Variants in MTA2 observed in about 807,000 individuals in gnomAD.
The protein encoded by MTA2 is metastasis-associated protein MTA2.
MTA2 carries 22 observed loss-of-function variants against 87.1 expected under a neutral mutation model. The observed-to-expected ratio is 0.25, with a 90% CI of 0.18 to 0.36. The LOEUF (loss-of-function observed/expected upper bound fraction) is 0.36. MTA2 is among the 10% of genes least tolerant of loss of function. The pLI is 1.00. For synonymous variants in MTA2, 314 were observed against 310.1 expected, an observed-to-expected ratio of 1.01 and a Z score of -0.13; for missense variants, 542 against 853.2, an observed-to-expected ratio of 0.64 and a Z score of 4.54.
rs1942054883 is a variant in MTA2, at chr11:62,593,683, C to G, written c.*192G>C. 3.1e-6 allele frequency: 2 copies of G among 647,394 alleles called. No individual in the cohort carries two copies. Among genetic ancestry groups the G allele is most frequent in the Non-Finnish European group, 5.1e-6 (2 of 388,660 alleles). 40.1% of individuals were successfully genotyped at this position (647,394 alleles called of 1,614,324 possible). A position where few individuals can be genotyped will look rare whatever the true frequency, so the allele number is the denominator to read the frequency against. On this transcript the variant is annotated 3_prime_UTR_variant, in exon 18 of 18. Transcript: ENST00000278823. ...GTTCCTGCAGTCTGTCCTCCATCGG[C>G]AAGCATGGAGGCATGAGACAAGTCT...
chr11:62,600,589 G>A (rs921829487), intron 2 of MTA2, 33 bp downstream of exon 2: 15 of 1,589,896 alleles, frequency 9.4e-6, no homozygotes, highest in South Asian at 1.1e-5. Flanking sequence ...AGACCACTGC[G>A]GGAGGGAGGG....
intron 4 of MTA2, 49 bp from the exon 5 acceptor site, chr11:62,598,439 C>A: frequency 6.2e-7 from 1 of 1,607,870 alleles, no homozygotes; most frequent in Non-Finnish European, 8.5e-7. Context: ...TCTCCCTCCC[C>A]ACAGCATCTC....
intron 15 of MTA2, 79 bp downstream of exon 15, chr11:62,594,902 A>G (rs1044847282): frequency 7.5e-6 from 10 of 1,334,816 alleles, no homozygotes; most frequent in African/African-American, 2.9e-5. Flanking sequence ...TATGAGGAAG[A>G]AAAAAAGCAA....
intron 15 of MTA2, 50 bp downstream of exon 15, chr11:62,594,931 G>A (rs1030659432): frequency 1.3e-6 from 2 of 1,518,550 alleles, no homozygotes; most frequent in Non-Finnish European, 1.8e-6. Context: ...ATGTCAGACA[G>A]GGAAAGGACT....
In MTA2 at chr11:62,597,997, GCCGTACAGTC is replaced by G; in HGVS notation, c.490+17_490+26del. 6.3e-7 allele frequency: 1 copy of G among 1,576,522 alleles called. No individual in the cohort carries two copies. Among genetic ancestry groups the G allele is most frequent in the Non-Finnish European group, 8.7e-7 (1 of 1,145,940 alleles). ...CCCCTTGGAATTAGACAACCTGGTA[GCCGTACAGTC>G]TTGTCCTGTTGCTTACCCTCTACTA... On this transcript the variant is annotated intron_variant, in intron 6 of 17. Transcript: ENST00000278823.
In MTA2 at chr11:62,601,617, C is replaced by A; in HGVS notation, c.-167G>T. The A allele has an allele frequency of 1.4e-6, 1 of 730,730 alleles. No individual in the cohort carries two copies. Among genetic ancestry groups the A allele is most frequent in the Non-Finnish European group, 2.1e-6 (1 of 478,308 alleles). The allele number at this position is 730,730 out of a possible 1,614,324, so 45.3% of individuals were successfully genotyped here. On this transcript the variant is annotated 5_prime_UTR_variant, in exon 1 of 18. Coordinates refer to ENST00000278823, the MANE Select transcript of MTA2 (RefSeq NM_004739.4). ...CTGCCTCAGCCGTCGCGGTTCATCCCGGCCCGCGCTGTCGCCGCCGCAGCT... is the reference window on the plus strand; with the variant it reads ...CTGCCTCAGCCGTCGCGGTTCATCCAGGCCCGCGCTGTCGCCGCCGCAGCT...
At chr11:62,600,145 G>A in intron 3 of MTA2, 21 bp downstream of exon 3, 2 of 1,604,926 alleles carry the variant, frequency 1.2e-6, no homozygotes, top group Non-Finnish European at 1.7e-6. Context: ...AGGAGAAAAA[G>A]AAAGGGAGGA....
chr11:62,593,628 C>G lies in MTA2; in HGVS notation c.*247G>C. The stretch of plus-strand genomic sequence containing the variant: ...CAAGACATCTGTGGGTCCTACCCCC[C>G]AAAACAGGCTAGGTTCCCACATGGG... On this transcript the variant is annotated 3_prime_UTR_variant, in exon 18 of 18. Transcript: ENST00000278823. 2.1e-6 allele frequency: 1 copy of G among 480,164 alleles called. No homozygotes were observed. Among genetic ancestry groups the G allele is most frequent in the Non-Finnish European group, 3.7e-6 (1 of 269,304 alleles). 29.7% of individuals were successfully genotyped at this position (480,164 alleles called of 1,614,324 possible).
Position 62,595,723 on chromosome 11 carries a change from C to G in MTA2, c.1254+29G>C. The G allele has an allele frequency of 6.2e-7, 1 of 1,612,810 alleles. No homozygotes were observed. Among genetic ancestry groups the G allele is most frequent in the Non-Finnish European group, 8.5e-7 (1 of 1,179,188 alleles). On this transcript the variant is annotated intron_variant, in intron 13 of 17. Transcript: ENST00000278823. The surrounding 1 kb of genome is among the most constrained non-coding windows in gnomAD (Gnocchi z 4.9). ...TCACCATCAATATGCTTACTGCTCT[C>G]CCCTGCTTTTCTTCCCACTGATCCT...
Position 62,600,362 on chromosome 11 carries a change from G to A in MTA2, c.97-103C>T, listed in dbSNP as rs544654496. Reference sequence around the variant, plus strand: ...GACAAATAACAGTAAGTTTCAGAGGGACCTAAATTAAAAAGCCCAAGAAAA... The same window carrying A: ...GACAAATAACAGTAAGTTTCAGAGGAACCTAAATTAAAAAGCCCAAGAAAA... On this transcript the variant is annotated intron_variant, in intron 2 of 17. Transcript: ENST00000278823. The A allele has an allele frequency of 4.8e-5, 51 of 1,060,824 alleles. No individual in the cohort carries two copies. The African/African-American group carries it at 6.0e-4, about 13-fold the overall frequency. The allele number at this position is 1,060,824 out of a possible 1,614,324, so 65.7% of individuals were successfully genotyped here. A position where few individuals can be genotyped will look rare whatever the true frequency, so the allele number is the denominator to read the frequency against.
rs1234391320 is a variant in MTA2, at chr11:62,593,854, A to G, written c.*21T>C. 1 of 1,613,188 alleles carries G rather than the reference A, an allele frequency of 6.2e-7. No individual in the cohort carries two copies. The highest frequency in any genetic ancestry group is 1.7e-5 in the Admixed American group (1 of 59,946). On this transcript the variant is annotated 3_prime_UTR_variant, in exon 18 of 18. Transcript: ENST00000278823. ...GCATCCACCCTCTACCTCTCAGCCC[A>G]CCTCCCTTCCCCACAGGTGCTCAGT...
Position 62,597,689 on chromosome 11 carries a change from G to C in MTA2, c.514C>G (p.Gln172Glu). The C allele has an allele frequency of 1.2e-6, 2 of 1,614,098 alleles. No individual in the cohort carries two copies. Among genetic ancestry groups the C allele is most frequent in the Non-Finnish European group, 1.7e-6 (2 of 1,180,008 alleles). ...VEGESDNRNQ[Q>E]KMEMKVWDPD... The stretch of plus-strand genomic sequence containing the variant: ...TCCCAGACCTTCATCTCCATCTTCT[G>C]CTGGTTCCGATTATCAGATTCTCCT... The change falls in exon 7 of 18, where the codon CAG (glutamine) becomes GAG (glutamate). Residue 172 changes from glutamine (Q) to glutamate (E), a missense_variant. By Grantham distance (29) the Gln-to-Glu change is conservative. Transcript: ENST00000278823.
rs1942077424 is a variant in MTA2 at position 62,594,908 on chromosome 11, AG to A, written c.1573+72del. ...TGAGGACACTATGAGGAAGAAAAAA[AG>A]CAAGGGGAGAGATGTCAGACAGGGA... On this transcript the variant is annotated intron_variant, in intron 15 of 17. Transcript: ENST00000278823. The A allele has an allele frequency of 3.7e-6, 5 of 1,365,850 alleles. No individual in the cohort carries two copies. The Admixed American group carries it at 1.0e-4, about 27-fold the overall frequency. The allele number at this position is 1,365,850 out of a possible 1,614,324, so 84.6% of individuals were successfully genotyped here. A position where few individuals can be genotyped will look rare whatever the true frequency, so the allele number is the denominator to read the frequency against.
Position 62,595,312 on chromosome 11 carries a change from C to T in MTA2, c.1435G>A (p.Ala479Thr). The T allele has an allele frequency of 2.5e-6, 4 of 1,614,210 alleles. No homozygotes were observed. The highest frequency in any genetic ancestry group is 3.4e-6 in the Non-Finnish European group (4 of 1,180,032). The change falls in exon 14 of 18, where the codon GCC becomes ACC. Residue 479 changes from alanine (A) to threonine (T), a missense_variant. Coordinates refer to ENST00000278823, the MANE Select transcript of MTA2 (RefSeq NM_004739.4). The surrounding 1 kb of genome is among the most constrained non-coding windows in gnomAD (Gnocchi z 4.9). The part of the protein sequence containing the change: ...CRDLLQPRRA[A>T]RRPYAPINAN... ...TTGATAGGAGCATAAGGCCGTCGGG[C>T]GGCCCTCCTTGGCTGTAATAGGTCC...
At chr11:62,600,112 T>G in intron 3 of MTA2, 54 bp downstream of exon 3, 1 of 1,516,596 alleles carries the variant, frequency 6.6e-7, no homozygotes, top group South Asian at 1.1e-5. Context: ...TGCAGGGACA[T>G]GCCCAGGCCT....
intron 1 of MTA2, 98 bp downstream of exon 1, chr11:62,601,325 C>A: frequency 6.9e-7 from 1 of 1,444,252 alleles, no homozygotes; most frequent in Non-Finnish European, 9.5e-7. Flanking sequence ...CCACGCTGCC[C>A]CATACGCTGC....
At chr11:62,597,914 G>T in intron 6 of MTA2, 110 bp downstream of exon 6, 1 of 1,095,106 alleles carries the variant, frequency 9.1e-7, no homozygotes, top group Non-Finnish European at 1.4e-6. Flanking sequence ...GAGCCCTGCA[G>T]ACAGTGCACT....
At position 62,600,212 on chromosome 11, in the gene MTA2, G is replaced by C. The variant is rs764988854; in HGVS notation, c.144C>G (p.Arg48=). 2 of 1,614,222 alleles carry C rather than the reference G, an allele frequency of 1.2e-6. No homozygotes were observed. The highest frequency in any genetic ancestry group is 1.7e-5 in the Admixed American group (1 of 60,032). ...TGTTGAGGCTACTAGAAATGTCCCT[G>C]CGCCGGAAAAGACAGACAACCTTTG... ...VEAKVVCLFR[R]RDISSSLNSL... is the part of the protein sequence containing the mutation. The change falls in exon 3 of 18, where the codon CGC becomes CGG. Residue 48 remains arginine, a synonymous_variant. Coordinates refer to ENST00000278823, the MANE Select transcript of MTA2 (RefSeq NM_004739.4).
chr11:62,595,562 C>T lies in MTA2; in HGVS notation c.1255-70G>A, dbSNP rs1942087161. 2 of 1,567,698 alleles carry T rather than the reference C, an allele frequency of 1.3e-6. No individual in the cohort carries two copies. The highest frequency in any genetic ancestry group is 8.7e-7 in the Non-Finnish European group (1 of 1,145,246). On this transcript the variant is annotated intron_variant, in intron 13 of 17. Transcript: ENST00000278823. This position sits in a 1 kb window ranked among gnomAD's most constrained non-coding sequence, Gnocchi z 4.9. ...GAGGCTCCCTTCTTTCTTCCATTCC[C>T]TGCAGGGGACAATTTATTCCTGTCT...
Sources: gnomAD v4.1 joint callset for allele counts on GRCh38, gnomAD v4.1.1 for gene constraint, Gnocchi (gnomAD v3.1) non-coding constraint, MANE v1.5 for transcripts, NCBI Gene and HGNC (gene_info 2026-07-23, HGNC 2026-07-21) for gene names.